Variants in DOCK9 observed in about 807,000 individuals in gnomAD.
The protein encoded by DOCK9 is dedicator of cytokinesis 9.
Under a neutral mutation model 263.3 loss-of-function variants are expected in DOCK9, and 89 were observed. The ratio of observed to expected loss-of-function variants is 0.34; its 90% CI spans 0.28 to 0.40. DOCK9 has a LOEUF of 0.40. DOCK9 is among the 10% of genes least tolerant of loss of function. DOCK9 has a pLI of 1.00. For missense variants in DOCK9, 2,140 were observed against 2,603.4 expected (o/e 0.82, Z 3.87); for synonymous variants, 976 against 973.1 (o/e 1.00, Z -0.06).
At position 98,839,203 on chromosome 13, in the gene DOCK9, A is replaced by C. The variant is rs535157903; in HGVS notation, c.4199-1594T>G. On this transcript the variant is annotated intron_variant, in intron 38 of 52. Transcript: ENST00000682017. ...TGCAGCACAGCCAACGTCTCTCCAA[A>C]TTTAGTGAGGATCTGTAACACATCT... Among the ~76,000 whole-genome samples, 9 of 152,342 alleles carry C rather than the reference A, an allele frequency of 5.9e-5. No homozygotes were observed. The South Asian group carries it at 1.7e-3, about 28-fold the overall frequency.
At chr13:99,001,462 C>G (rs781204135) in intron 1 of DOCK9, among the ~76,000 whole-genome samples, 1 of 152,226 alleles carries the variant, frequency 6.6e-6, no homozygotes, top group Non-Finnish European at 1.5e-5. Context: ...TCATCCCATA[C>G]AAGCCCTTTG....
chr13:98,807,892 G>GA, intron 47 of DOCK9, 85 bp from the exon 48 acceptor site: 1 of 1,158,978 alleles, frequency 8.6e-7, no homozygotes, highest in Non-Finnish European at 1.2e-6. Context: ...TTACAAGGGG[G>GA]AAAAAAAGGA....
intron 38 of DOCK9, among the ~76,000 whole-genome samples, chr13:98,838,142 G>A (rs1287692686): frequency 6.6e-6 from 1 of 152,170 alleles, no homozygotes; most frequent in Non-Finnish European, 1.5e-5. Flanking sequence ...GCAGCACAAC[G>A]CAGGTTAAGA....
intron 1 of DOCK9, among the ~76,000 whole-genome samples, chr13:98,985,530 G>C (rs1878253891): frequency 6.6e-6 from 1 of 152,178 alleles, no homozygotes; most frequent in African/African-American, 2.4e-5. Context: ...GAAGGCTCAG[G>C]ATCCTCTCAG....
At chr13:98,945,892 G>C (rs777453151) in intron 2 of DOCK9, among the ~76,000 whole-genome samples, 1 of 152,226 alleles carries the variant, frequency 6.6e-6, no homozygotes, top group Non-Finnish European at 1.5e-5. Context: ...GCAAGGTAGA[G>C]AGGACCAGCA....
intron 1 of DOCK9, among the ~76,000 whole-genome samples, chr13:99,026,212 G>A (rs1261669505): frequency 6.6e-6 from 1 of 152,136 alleles, no homozygotes; most frequent in African/African-American, 2.4e-5. Context: ...TATGGTGATG[G>A]ATGCACAACT....
intron 1 of DOCK9, among the ~76,000 whole-genome samples, chr13:99,023,479 G>C (rs985916406): frequency 1.3e-5 from 2 of 152,232 alleles, no homozygotes; most frequent in Non-Finnish European, 2.9e-5. Context: ...GCTGGGAGAA[G>C]GCAAATAAGG....
Position 98,901,821 on chromosome 13 carries a change from G to A in DOCK9, c.1460C>T (p.Thr487Ile), listed in dbSNP as rs758458203. 5 of 1,612,758 alleles carry A rather than the reference G, an allele frequency of 3.1e-6. No homozygotes were observed. The South Asian group carries it at 5.5e-5, about 18-fold the overall frequency. The change falls in exon 13 of 53, where the codon ACA becomes ATA. Residue 487 changes from threonine (T) to isoleucine (I), a missense_variant. Physicochemically the swap from Thr to Ile is moderately conservative, Grantham distance 89. This residue lies in a region of DOCK9 where 1,521 missense variants were observed against 1,741.7 expected (regional missense o/e 0.87). Transcript: ENST00000682017. ...RIEKVLQGSI[T>I]HCAEPYMKSS... ...TTTCATATATGGCTCAGCGCAATGTGTGATGCTCCCCTGAAGGACTTTTTC... is the reference window on the plus strand; with the variant it reads ...TTTCATATATGGCTCAGCGCAATGTATGATGCTCCCCTGAAGGACTTTTTC...
intron 1 of DOCK9, among the ~76,000 whole-genome samples, chr13:99,011,874 T>G (rs1482136172): frequency 2.0e-5 from 3 of 152,212 alleles, no homozygotes; most frequent in African/African-American, 7.2e-5. Context: ...AGAGCTTGAG[T>G]GCAGTGGTGC....
chr13:98,944,382 GA>G (rs59677048), intron 2 of DOCK9, among the ~76,000 whole-genome samples: 1,156 of 73,124 alleles, frequency 0.016, 4 homozygotes, highest in Admixed American at 0.032. Flanking sequence ...CACTATATGA[GA>G]AAAAAAAAAA....
rs781156213 is a variant in DOCK9 at position 98,868,005 on chromosome 13, A to G, written c.3097T>C (p.Phe1033Leu). ...HSLAVFIKRC[F>L]TFMDRGFVFK... ...ACAAAGCCCCTGTCCATGAAGGTGAAACATCTCTGTGGAGGAAAACAAGCA... is the reference window on the plus strand; with the variant it reads ...ACAAAGCCCCTGTCCATGAAGGTGAGACATCTCTGTGGAGGAAAACAAGCA... The change falls in exon 29 of 53, where the codon TTC becomes CTC. Residue 1033 changes from phenylalanine (F) to leucine (L), a missense_variant. Physicochemically the swap from Phe to Leu is conservative, Grantham distance 22. This residue lies in a region of DOCK9 where 1,521 missense variants were observed against 1,741.7 expected (regional missense o/e 0.87). Transcript: ENST00000682017. 12 of 1,613,540 alleles carry G rather than the reference A, an allele frequency of 7.4e-6. No individual in the cohort carries two copies. The highest frequency in any genetic ancestry group is 9.3e-6 in the Non-Finnish European group (11 of 1,179,734).
intron 44 of DOCK9, among the ~76,000 whole-genome samples, chr13:98,826,192 G>T (rs905019494): frequency 1.3e-5 from 2 of 152,134 alleles, no homozygotes; most frequent in African/African-American, 4.8e-5. Flanking sequence ...AACTCACGCA[G>T]ACTACCAGCT....
intron 1 of DOCK9, among the ~76,000 whole-genome samples, chr13:99,011,314 T>C (rs1045371261): frequency 2.6e-5 from 4 of 152,148 alleles, no homozygotes; most frequent in Non-Finnish European, 5.9e-5. Context: ...ACTGATAAAA[T>C]GGCAGGTAAT....
Position 98,826,857 on chromosome 13 carries a change from G to C in DOCK9, c.4996C>G (p.Leu1666Val). ...AAMCYVHVTALVAEYLTRKGV... is the reference protein window; with the variant it reads ...AAMCYVHVTAVVAEYLTRKGV... ...TTCCGTGTGAGATATTCTGCCACTA[G>C]GGCTGTTACGTGGACATAGCACATT... The change falls in exon 44 of 53, where the codon CTA becomes GTA. Residue 1666 changes from leucine to valine, a missense_variant. Leu to Val is a conservative substitution (Grantham distance 32, BLOSUM62 1). Transcript: ENST00000682017. 1 of 1,610,832 alleles carries C rather than the reference G, an allele frequency of 6.2e-7. No individual in the cohort carries two copies. Among genetic ancestry groups the C allele is most frequent in the Non-Finnish European group, 8.5e-7 (1 of 1,178,546 alleles).
At chr13:98,822,930 T>G (rs962276322) in intron 45 of DOCK9, among the ~76,000 whole-genome samples, 6 of 152,144 alleles carry the variant, frequency 3.9e-5, no homozygotes, top group African/African-American at 1.4e-4. Context: ...TTCTTAAACT[T>G]TTTGAGCTCA....
intron 49 of DOCK9, among the ~76,000 whole-genome samples, chr13:98,804,124 A>G (rs545541108): frequency 1.3e-5 from 2 of 152,086 alleles, no homozygotes; most frequent in African/African-American, 2.4e-5. Context: ...AACAACCCCA[A>G]CTTCCGGGGA....
At chr13:98,984,213 C>A (rs1436015306) in intron 1 of DOCK9, among the ~76,000 whole-genome samples, 5 of 152,130 alleles carry the variant, frequency 3.3e-5, no homozygotes, top group Non-Finnish European at 7.4e-5. Flanking sequence ...TTCTGTGGTA[C>A]AAATCTCTTC....
intron 1 of DOCK9, among the ~76,000 whole-genome samples, chr13:99,052,819 C>G (rs1336082872): frequency 1.3e-5 from 2 of 150,916 alleles, no homozygotes; most frequent in Admixed American, 1.3e-4. Context: ...TGCCCAGGCT[C>G]TTTGCCCATT....
chr13:98,904,592 A>C, intron 10 of DOCK9, 40 bp downstream of exon 10: 2 of 1,411,992 alleles, frequency 1.4e-6, no homozygotes, highest in Non-Finnish European at 9.7e-7. Flanking sequence ...TTTCTCTCCC[A>C]CATTTGGTTT....
Sources: allele counts gnomAD v4.1 joint callset (sites outside exome capture counted in the v4.1 genomes callset), GRCh38; gene constraint gnomAD v4.1.1; regional missense constraint gnomAD v4.1.1; transcripts MANE v1.5; gene names NCBI Gene and HGNC (gene_info 2026-07-23, HGNC 2026-07-21).